The following ACOXL variants were observed in gnomAD, a reference collection of about 807,000 sequenced individuals.
The protein encoded by ACOXL is acyl-coenzyme A oxidase-like protein.
A neutral mutation model predicts 71.9 loss-of-function variants in ACOXL; 70 were observed. The observed-to-expected ratio is 0.97, with a 90% CI of 0.80 to 1.19. The LOEUF (loss-of-function observed/expected upper bound fraction) is 1.19. Among genes scored for constraint, ACOXL ranks in the 50% most tolerant of loss-of-function variants. The pLI is 0.00. For synonymous variants in ACOXL, 253 were observed against 281.6 expected, an observed-to-expected ratio of 0.90 and a Z score of 1.02; for missense variants, 703 against 736.3, an observed-to-expected ratio of 0.95 and a Z score of 0.52.
intron 12 of ACOXL, among the ~76,000 whole-genome samples, chr2:110,948,351 A>C (rs749020386): frequency 2.0e-5 from 3 of 152,212 alleles, no homozygotes; most frequent in Non-Finnish European, 2.9e-5. Context: ...AAATTTTTTC[A>C]GAAAGTGATG....
At chr2:110,997,378 A>C (rs956950470) in intron 14 of ACOXL, among the ~76,000 whole-genome samples, 2 of 152,194 alleles carry the variant, frequency 1.3e-5, no homozygotes, top group African/African-American at 4.8e-5. Flanking sequence ...ACATAGATGA[A>C]AAATCTAGAA....
chr2:110,947,505 T>A (rs2061152601), intron 12 of ACOXL, among the ~76,000 whole-genome samples: 1 of 152,208 alleles, frequency 6.6e-6, no homozygotes, highest in Non-Finnish European at 1.5e-5. Flanking sequence ...CCTTCTCTCT[T>A]AAGGCCCAGA....
chr2:111,115,397 T>C (rs913830122), intron 17 of ACOXL: 6 of 152,232 alleles, frequency 3.9e-5, no homozygotes, highest in African/African-American at 1.4e-4. Flanking sequence ...AGAGATCATA[T>C]ATTTTTAAAA....
rs777753784 is a variant in ACOXL at position 110,998,533 on chromosome 2, C to T, written c.1281+2529C>T. Among the ~76,000 whole-genome samples, 6 of 152,218 alleles carry T rather than the reference C, an allele frequency of 3.9e-5. No individual in the cohort carries two copies. The South Asian group carries it at 6.2e-4, about 16-fold the overall frequency. ...TTGCGCCTTGGTTTGAGAATTTCTC[C>T]GGGATTGCTTCCCTAAATCTGTTTC... is the stretch of plus-strand genomic sequence containing the variant. On this transcript the variant is annotated intron_variant, in intron 14 of 17. Coordinates refer to ENST00000439055, the MANE Select transcript of ACOXL (RefSeq NM_001142807.4).
At chr2:110,953,110 G>C (rs2061383020) in intron 12 of ACOXL, among the ~76,000 whole-genome samples, 1 of 152,018 alleles carries the variant, frequency 6.6e-6, no homozygotes, top group Non-Finnish European at 1.5e-5. Context: ...TTCTCACAAT[G>C]GCCCTATAGA....
At chr2:111,093,479 T>G (rs1333288443) in intron 17 of ACOXL, 1 of 1,613,940 alleles carries the variant, frequency 6.2e-7, no homozygotes, top group African/African-American at 1.3e-5. Flanking sequence ...ATTACATCCT[T>G]TCTGCAGGAG....
intron 9 of ACOXL, among the ~76,000 whole-genome samples, chr2:110,821,090 A>G (rs905058468): frequency 3.9e-5 from 6 of 152,178 alleles, no homozygotes; most frequent in African/African-American, 1.4e-4. Context: ...GTTCTACCCA[A>G]ACTTTGACCT....
intron 1 of ACOXL, among the ~76,000 whole-genome samples, chr2:110,749,010 G>A (rs1314394424): frequency 6.6e-6 from 1 of 152,222 alleles, no homozygotes; most frequent in Admixed American, 6.5e-5. Context: ...TGCTGTGAAA[G>A]CAGCTTGATT....
chr2:110,751,831 A>G (rs1195665679), intron 1 of ACOXL, among the ~76,000 whole-genome samples: 1 of 152,186 alleles, frequency 6.6e-6, no homozygotes, highest in Non-Finnish European at 1.5e-5. Flanking sequence ...AGAATCACAC[A>G]ATTTGTTGAC....
intron 2 of ACOXL, among the ~76,000 whole-genome samples, chr2:110,778,205 G>T (rs1211978089): frequency 1.3e-5 from 2 of 152,166 alleles, no homozygotes; most frequent in African/African-American, 4.8e-5. Flanking sequence ...ACCTTCTACT[G>T]ACGCTGTGAG....
chr2:110,949,196 T>C (rs147927408), intron 12 of ACOXL, among the ~76,000 whole-genome samples: 11 of 152,258 alleles, frequency 7.2e-5, no homozygotes, highest in African/African-American at 2.4e-4. Flanking sequence ...AGTTCAGGCA[T>C]GGTCCATACT....
chr2:110,915,417 TA>T (rs1558721971), intron 11 of ACOXL, among the ~76,000 whole-genome samples: 70 of 132,636 alleles, frequency 5.3e-4, no homozygotes, highest in African/African-American at 2.0e-3. Context: ...CATATATATA[TA>T]TATATATATA....
At chr2:110,824,982 A>G (rs1689006837) in intron 9 of ACOXL, among the ~76,000 whole-genome samples, 1 of 152,228 alleles carries the variant, frequency 6.6e-6, no homozygotes, top group Admixed American at 6.5e-5. Flanking sequence ...ATAGCAGGCA[A>G]TTAACCCAGA....
chr2:110,745,833 T>C (rs1351706377), intron 1 of ACOXL, among the ~76,000 whole-genome samples: 1 of 152,236 alleles, frequency 6.6e-6, no homozygotes. Context: ...ACTGGTTTTC[T>C]AGCTAAAGTC....
intron 10 of ACOXL, among the ~76,000 whole-genome samples, chr2:110,859,867 A>G (rs1349107184): frequency 1.3e-5 from 2 of 151,932 alleles, no homozygotes; most frequent in Non-Finnish European, 2.9e-5. Flanking sequence ...CATCCCTCAG[A>G]CTCACCGAAG....
chr2:111,013,647 C>T (rs958120477), intron 14 of ACOXL, among the ~76,000 whole-genome samples: 2 of 151,080 alleles, frequency 1.3e-5, no homozygotes, highest in South Asian at 2.1e-4. Context: ...ATAACAACAA[C>T]GTTTCAGTCA....
intron 9 of ACOXL, among the ~76,000 whole-genome samples, chr2:110,831,058 C>T (rs1559317976): frequency 6.6e-6 from 1 of 152,062 alleles, no homozygotes; most frequent in Admixed American, 6.5e-5. Context: ...GAATACTTTC[C>T]CCCCTACAAC....
chr2:111,068,593 T>C (rs79450537), intron 16 of ACOXL, among the ~76,000 whole-genome samples: 2,570 of 152,306 alleles, frequency 0.017, 64 homozygotes, highest in African/African-American at 0.051. Flanking sequence ...GCCTGTGGTC[T>C]AGCTGCAGAG....
At position 111,031,194 on chromosome 2, in the gene ACOXL, A is replaced by G. The variant is rs557358960; in HGVS notation, c.1282-433A>G. On this transcript the variant is annotated intron_variant, in intron 14 of 17. Transcript: ENST00000439055. ...ATTCTTGAGACATAACATGTTTGAG[A>G]AACACTTTGGAAACAAATGGAAGCT... Among the ~76,000 whole-genome samples the G allele has an allele frequency of 1.2e-4, 18 of 152,328 alleles. No homozygotes were observed. The South Asian group carries it at 3.7e-3, about 32-fold the overall frequency.
Sources: allele counts gnomAD v4.1 joint callset (sites outside exome capture counted in the v4.1 genomes callset), GRCh38; gene constraint gnomAD v4.1.1; transcripts MANE v1.5; gene names NCBI Gene and HGNC (gene_info 2026-07-23, HGNC 2026-07-21).